ATP9A: variants seen among roughly 807,000 people sequenced by gnomAD.
ATP9A encodes probable phospholipid-transporting ATPase IIA.
Under a neutral mutation model 144.1 loss-of-function variants are expected in ATP9A, and 52 were observed. That is an observed-to-expected ratio of 0.36 (90% CI 0.29 to 0.45). The LOEUF (loss-of-function observed/expected upper bound fraction) is 0.45. Ranked by LOEUF, ATP9A falls within the 20% of genes least tolerant of loss-of-function variation. The probability of loss-of-function intolerance (pLI) is 1.00; values close to 1 mark genes in which losing one functional copy is unlikely to be tolerated. For synonymous variants in ATP9A, 582 were observed against 557.4 expected (o/e 1.04, Z -0.62); for missense variants, 947 against 1,392.7 (o/e 0.68, Z 5.09).
In ATP9A at chr20:51,604,848, G is replaced by A. The variant is rs117205129; in HGVS notation, c.2976C>T (p.Ile992=). 2,814 of 1,547,294 alleles carry A rather than the reference G, an allele frequency of 1.8e-3. 66 individuals are homozygous for A. The Admixed American group carries it at 0.04, about 22-fold the overall frequency. The change falls in exon 27 of 28, where the codon ATC becomes ATT. Residue 992 remains isoleucine (I), a synonymous_variant. Transcript: ENST00000338821. ...ACTCGTGTAAGAACACCAGGGAGGC[G>A]ATGTAGCAGGCCAGGCTGAGCAGCT... The part of the protein sequence containing the change: ...VAELLSLACY[I]ASLVFLHEFI...
intron 3 of ATP9A, among the ~76,000 whole-genome samples, chr20:51,715,707 C>T (rs1194453430): frequency 6.6e-6 from 1 of 152,150 alleles, no homozygotes; most frequent in Non-Finnish European, 1.5e-5. Flanking sequence ...AGGGTTTCAC[C>T]GTATTGGCCA....
At chr20:51,709,559 T>C (rs2077629063) in intron 4 of ATP9A, among the ~76,000 whole-genome samples, 1 of 151,948 alleles carries the variant, frequency 6.6e-6, no homozygotes, top group Non-Finnish European at 1.5e-5. Flanking sequence ...ACCCCATCTC[T>C]AGAAATAAAA....
intron 1 of ATP9A, among the ~76,000 whole-genome samples, chr20:51,760,454 C>T (rs748662167): frequency 1.2e-4 from 18 of 152,106 alleles, no homozygotes; most frequent in Non-Finnish European, 2.2e-4. Context: ...GGGCAGGGCA[C>T]GGTGGCTCAC....
chr20:51,766,632 G>A (rs372567058), intron 1 of ATP9A, among the ~76,000 whole-genome samples: 2 of 152,194 alleles, frequency 1.3e-5, no homozygotes, highest in South Asian at 4.2e-4. Context: ...ACGAGGTCAG[G>A]AGTTCAAGAC....
intron 2 of ATP9A, among the ~76,000 whole-genome samples, chr20:51,727,033 C>T (rs2077717446): frequency 6.6e-6 from 1 of 151,180 alleles, no homozygotes; most frequent in Admixed American, 6.6e-5. Context: ...GAGGCTCACA[C>T]CTGTAATCCC....
chr20:51,672,846 T>A (rs999799275), intron 11 of ATP9A, among the ~76,000 whole-genome samples: 1 of 151,332 alleles, frequency 6.6e-6, no homozygotes, highest in African/African-American at 2.4e-5. Flanking sequence ...GGGACACACA[T>A]ACAAGTGATG....
intron 13 of ATP9A, among the ~76,000 whole-genome samples, chr20:51,665,944 A>G (rs1322808149): frequency 6.6e-6 from 1 of 152,140 alleles, no homozygotes; most frequent in Non-Finnish European, 1.5e-5. Flanking sequence ...AGAACAAGTC[A>G]CCTGGACACT....
At chr20:51,763,376 G>A (rs548754780) in intron 1 of ATP9A, among the ~76,000 whole-genome samples, 6 of 150,592 alleles carry the variant, frequency 4.0e-5, no homozygotes, top group East Asian at 2.0e-4. Context: ...GCAGTGGCGC[G>A]ATCTCGGCTC....
At chr20:51,621,100 T>C (rs2077225062) in intron 19 of ATP9A, among the ~76,000 whole-genome samples, 1 of 149,434 alleles carries the variant, frequency 6.7e-6, no homozygotes, top group Non-Finnish European at 1.5e-5. Context: ...TGAGCCAAGA[T>C]TGCACCACTG....
At chr20:51,697,204 T>C (rs2122828321) in intron 5 of ATP9A, among the ~76,000 whole-genome samples, 1 of 152,324 alleles carries the variant, frequency 6.6e-6, no homozygotes, top group East Asian at 1.9e-4. Flanking sequence ...GATTTCTGGC[T>C]AACCAACGCA....
rs11484091 is a variant in ATP9A, at chr20:51,668,177, G to GAAA, written c.1293+1817_1293+1819dup. On this transcript the variant is annotated intron_variant, in intron 13 of 27. Coordinates refer to ENST00000338821, the MANE Select transcript of ATP9A (RefSeq NM_006045.3). The stretch of plus-strand genomic sequence containing the variant: ...GAAAGGAAGGGAAGAAAGGGAGAAG[G>GAAA]AAAAAAAAAAAAAAGGCCGAAGGGG... Among the ~76,000 whole-genome samples the GAAA allele has an allele frequency of 1.9e-4, 10 of 53,752 alleles. 2 individuals are homozygous for GAAA. The highest frequency in any genetic ancestry group is 2.6e-4 in the Admixed American group (1 of 3,800). The allele number at this position is 53,752 out of a possible 152,430, so 35.3% of individuals were successfully genotyped here. A position where few individuals can be genotyped will look rare whatever the true frequency, so the allele number is the denominator to read the frequency against.
chr20:51,726,313 CAAAAA>C (rs11476208), intron 2 of ATP9A, among the ~76,000 whole-genome samples: 2 of 70,762 alleles, frequency 2.8e-5, no homozygotes, highest in East Asian at 5.5e-4. Context: ...AACTCTGTCT[CAAAAA>C]AAAAAAAAAA....
At chr20:51,641,541 G>A (rs887896435) in intron 14 of ATP9A, among the ~76,000 whole-genome samples, 7 of 151,552 alleles carry the variant, frequency 4.6e-5, no homozygotes, top group African/African-American at 9.7e-5. Context: ...AGAGCCGGGC[G>A]CGGTGGCTCA....
intron 7 of ATP9A, 30 bp from the exon 8 acceptor site, chr20:51,690,849 A>C (rs766111406): frequency 1.3e-6 from 2 of 1,592,160 alleles, no homozygotes; most frequent in South Asian, 1.1e-5. Flanking sequence ...TTCGGGAGTC[A>C]AAGTCAGTTC....
At chr20:51,652,655 T>G (rs1408794088) in intron 14 of ATP9A, among the ~76,000 whole-genome samples, 1 of 152,212 alleles carries the variant, frequency 6.6e-6, no homozygotes, top group Non-Finnish European at 1.5e-5. Context: ...AGGCGGCCTC[T>G]GAAGTAGTTT....
intron 4 of ATP9A, among the ~76,000 whole-genome samples, chr20:51,702,719 CAT>C (rs910486172): frequency 3.3e-5 from 5 of 152,160 alleles, no homozygotes; most frequent in African/African-American, 1.2e-4. Flanking sequence ...GCCCAAAACA[CAT>C]GATTTCTAAC....
At position 51,712,423 on chromosome 20, in the gene ATP9A, C is replaced by T. The variant is rs1162293121; in HGVS notation, c.436+543G>A. 2.6e-5 allele frequency among the ~76,000 whole-genome samples: 4 copies of T among 152,154 alleles called. No homozygotes were observed. In the East Asian group the frequency reaches 7.7e-4, roughly 29 times the overall value. ...GCCCAATACATATAACTCTGACATA[C>T]ACAACTGGTCATTTATTTTTGGATC... On this transcript the variant is annotated intron_variant, in intron 4 of 27. Transcript: ENST00000338821.
intron 1 of ATP9A, among the ~76,000 whole-genome samples, chr20:51,744,947 T>G (rs1019083092): frequency 6.6e-6 from 1 of 151,944 alleles, no homozygotes; most frequent in Non-Finnish European, 1.5e-5. Flanking sequence ...CTGGCCAACA[T>G]GACGAAACCT....
At chr20:51,626,984 G>A (rs952045168) in intron 17 of ATP9A, among the ~76,000 whole-genome samples, 1 of 151,038 alleles carries the variant, frequency 6.6e-6, no homozygotes, top group African/African-American at 2.4e-5. Flanking sequence ...TTGAACCTGG[G>A]AGGCGGAGGT....
Sources: gnomAD v4.1 joint callset for allele counts (sites outside exome capture counted in the v4.1 genomes callset) on GRCh38, gnomAD v4.1.1 for gene constraint, MANE v1.5 for transcripts, NCBI Gene and HGNC (gene_info 2026-07-23, HGNC 2026-07-21) for gene names.